Variants in MYL1 observed in about 807,000 individuals in gnomAD.
MYL1 encodes the protein myosin light chain 1, also known as myosin light chain 1/3, skeletal muscle isoform.
A neutral mutation model predicts 21.8 loss-of-function variants in MYL1; 16 were observed. The ratio of observed to expected loss-of-function variants is 0.74; its 90% CI spans 0.50 to 1.12. MYL1 has a LOEUF of 1.12. MYL1 is among the 50% of genes most tolerant of loss of function. MYL1 has a pLI of 0.00. For missense variants in MYL1, 246 were observed against 241.0 expected, an observed-to-expected ratio of 1.02 and a Z score of -0.14; for synonymous variants, 99 against 85.2, an observed-to-expected ratio of 1.16 and a Z score of -0.89.
chr2:210,302,584 C>G, intron 1 of MYL1, 69 bp from the exon 2 acceptor site: 2 of 1,548,856 alleles, frequency 1.3e-6, no homozygotes, highest in Middle Eastern at 1.7e-4. Flanking sequence ...TTAGTTGTAT[C>G]CAGCTCATTC....
At chr2:210,307,653 T>C (rs1321467015) in intron 1 of MYL1, among the ~76,000 whole-genome samples, 2 of 152,186 alleles carry the variant, frequency 1.3e-5, no homozygotes, top group Non-Finnish European at 2.9e-5. Flanking sequence ...CATTCCACGT[T>C]TTTATGATTC....
At chr2:210,295,960 CA>C (rs1690168054) in intron 3 of MYL1, among the ~76,000 whole-genome samples, 1 of 152,012 alleles carries the variant, frequency 6.6e-6, no homozygotes, top group Admixed American at 6.5e-5. Context: ...ATGAAGTAAG[CA>C]GGCTGATTTT....
intron 1 of MYL1, among the ~76,000 whole-genome samples, chr2:210,309,714 A>G (rs1202870541): frequency 6.6e-6 from 1 of 152,046 alleles, no homozygotes; most frequent in Non-Finnish European, 1.5e-5. Flanking sequence ...ACCATGAGTC[A>G]GATGGTGCTT....
chr2:210,291,037 G>C lies in MYL1; in HGVS notation c.*9C>G. The C allele has an allele frequency of 6.2e-7, 1 of 1,605,034 alleles. No homozygotes were observed. The highest frequency in any genetic ancestry group is 8.5e-7 in the Non-Finnish European group (1 of 1,173,154). On this transcript the variant is annotated 3_prime_UTR_variant, in exon 6 of 7. Coordinates refer to ENST00000352451, the MANE Select transcript of MYL1 (RefSeq NM_079420.3). ...AAGAGGGAACTGGTATATACCTTGA[G>C]AGCTCCATTCAGATAGACATGATGT... is the stretch of plus-strand genomic sequence containing the variant.
At chr2:210,299,883 G>A (rs929631621) in intron 2 of MYL1, among the ~76,000 whole-genome samples, 5 of 152,118 alleles carry the variant, frequency 3.3e-5, no homozygotes. Flanking sequence ...AAAAGGTGCT[G>A]TCTAGATAGA....
At chr2:210,312,117 T>A (rs1228297327) in intron 1 of MYL1, among the ~76,000 whole-genome samples, 1 of 151,974 alleles carries the variant, frequency 6.6e-6, no homozygotes, top group African/African-American at 2.4e-5. Context: ...ATCAAATATA[T>A]GGCTATTAAA....
rs146383845 is a variant in MYL1 at position 210,294,314 on chromosome 2, G to A, written c.409C>T (p.Arg137Cys). The A allele has an allele frequency of 5.0e-6, 8 of 1,613,870 alleles. No individual in the cohort carries two copies. The highest frequency in any genetic ancestry group is 2.7e-5 in the African/African-American group (2 of 74,894). The change falls in exon 4 of 7, where the codon CGT (arginine) becomes TGT (cysteine). Residue 137 changes from arginine to cysteine, a missense_variant. Arg to Cys is a radical substitution (Grantham distance 180). Coordinates refer to ENST00000352451, the MANE Select transcript of MYL1 (RefSeq NM_079420.3). ...ATYEDFVEGL[R>C]VFDKEGNGTV... is the part of the protein sequence containing the mutation. ...CCATTGCCTTCCTTGTCAAAGACAC[G>A]CAGACCCTCAACAAAGTCTTCATAG... is the stretch of plus-strand genomic sequence containing the variant.
At chr2:210,298,301 C>G (rs1690207251) in intron 3 of MYL1, 119 bp downstream of exon 3, 4 of 1,131,062 alleles carry the variant, frequency 3.5e-6, no homozygotes, top group Non-Finnish European at 3.7e-6. Flanking sequence ...CAATCTTTCT[C>G]TCTCTCACAC....
chr2:210,298,738 C>T (rs1200384284), intron 2 of MYL1, among the ~76,000 whole-genome samples, 175 bp from the exon 3 acceptor site: 1 of 152,098 alleles, frequency 6.6e-6, no homozygotes, highest in African/African-American at 2.4e-5. Flanking sequence ...AAAAACTTAG[C>T]ATTTCTTTTC....
intron 1 of MYL1, among the ~76,000 whole-genome samples, chr2:210,314,313 G>A (rs1690457422): frequency 6.6e-6 from 1 of 152,130 alleles, no homozygotes; most frequent in African/African-American, 2.4e-5. Context: ...GACAGTTACA[G>A]TCACTGAAAC....
intron 6 of MYL1, 54 bp from the exon 7 acceptor site, chr2:210,290,521 A>G (rs1015626159): frequency 6.6e-6 from 1 of 152,246 alleles, no homozygotes; most frequent in African/African-American, 2.4e-5. Flanking sequence ...TTTCAGAAAG[A>G]AAACTCAGGA....
chr2:210,291,136 AAG>A, intron 5 of MYL1, 62 bp from the exon 6 acceptor site: 2 of 1,369,832 alleles, frequency 1.5e-6, no homozygotes, highest in East Asian at 2.3e-5. Flanking sequence ...AATTTAATAA[AAG>A]AGAGGTTTAA....
chr2:210,310,910 A>G (rs115829791), intron 1 of MYL1, among the ~76,000 whole-genome samples: 3,461 of 152,168 alleles, frequency 0.023, 122 homozygotes, highest in African/African-American at 0.072. Context: ...GATATGGTTA[A>G]CACAGTTGAC....
At chr2:210,305,242 A>G (rs575229878) in intron 1 of MYL1, among the ~76,000 whole-genome samples, 1 of 152,360 alleles carries the variant, frequency 6.6e-6, no homozygotes, top group African/African-American at 2.4e-5. Context: ...AATATCTCAT[A>G]GAATCTTGAG....
Position 210,298,546 on chromosome 2 carries a change from G to A in MYL1, c.178C>T (p.Leu60Phe). Residue 60 changes from leucine (L) to phenylalanine (F), a missense_variant, in exon 3 of 7, where the codon CTC becomes TTC. Transcript: ENST00000352451. ...EQQDEFKEAF[L>F]LFDRTGDSKI... ...GAATCACCTGTTCTGTCAAACAGGA[G>A]AAATGCCTCCTTGAATTCTGCAAAA... is the stretch of plus-strand genomic sequence containing the variant. 1 of 1,614,006 alleles carries A rather than the reference G, an allele frequency of 6.2e-7. No homozygotes were observed. Among genetic ancestry groups the A allele is most frequent in the Non-Finnish European group, 8.5e-7 (1 of 1,179,970 alleles).
chr2:210,303,350 G>A (rs1433219317), intron 1 of MYL1, among the ~76,000 whole-genome samples: 2 of 152,160 alleles, frequency 1.3e-5, no homozygotes, highest in African/African-American at 4.8e-5. Flanking sequence ...TATTTTTCCA[G>A]CTGATAAACA....
At chr2:210,306,720 CTTTT>C (rs747993827) in intron 1 of MYL1, among the ~76,000 whole-genome samples, 4 of 143,084 alleles carry the variant, frequency 2.8e-5, no homozygotes, top group Non-Finnish European at 6.2e-5. Flanking sequence ...CTCTGGCACA[CTTTT>C]TTTTTTTTTT....
At chr2:210,306,590 G>A (rs969347670) in intron 1 of MYL1, among the ~76,000 whole-genome samples, 2 of 152,018 alleles carry the variant, frequency 1.3e-5, no homozygotes. Context: ...AAATATTTGA[G>A]CACTTTATGT....
intron 2 of MYL1, among the ~76,000 whole-genome samples, chr2:210,301,619 T>G (rs1488723685): frequency 6.6e-6 from 1 of 152,112 alleles, no homozygotes; most frequent in Non-Finnish European, 1.5e-5. Context: ...GGTTTATTTG[T>G]GTCTCAGTTC....
Sources: allele counts gnomAD v4.1 joint callset (sites outside exome capture counted in the v4.1 genomes callset), GRCh38; gene constraint gnomAD v4.1.1; transcripts MANE v1.5; gene names NCBI Gene and HGNC (gene_info 2026-07-23, HGNC 2026-07-21).